SNX13: variants seen among roughly 807,000 people sequenced by gnomAD.
SNX13 encodes sorting nexin 13.
In SNX13, 45 loss-of-function variants were observed where a neutral mutation model predicts 133.6. The observed-to-expected ratio is 0.34, with a 90% CI of 0.27 to 0.43. The LOEUF (loss-of-function observed/expected upper bound fraction) is 0.43. Ranked by LOEUF, SNX13 falls within the 20% of genes least tolerant of loss-of-function variation. The pLI is 1.00. For missense variants in SNX13, 1,032 were observed against 1,145.1 expected (o/e 0.90, Z 1.43); for synonymous variants, 414 against 373.9 (o/e 1.11, Z -1.24).
At chr7:17,938,434 G>T (rs1318046008) in intron 1 of SNX13, among the ~76,000 whole-genome samples, 2 of 152,150 alleles carry the variant, frequency 1.3e-5, no homozygotes, top group African/African-American at 4.8e-5. Context: ...AACGACTACT[G>T]AAAACTATAG....
At chr7:17,830,889 C>T in intron 15 of SNX13, 6 of 984,338 alleles carry the variant, frequency 6.1e-6, no homozygotes, top group Non-Finnish European at 7.2e-6. Flanking sequence ...AGCAACACTA[C>T]TATTCCTACA....
At chr7:17,835,860 T>C (rs1032987308) in intron 13 of SNX13, among the ~76,000 whole-genome samples, 1 of 151,938 alleles carries the variant, frequency 6.6e-6, no homozygotes, top group Non-Finnish European at 1.5e-5. Flanking sequence ...GTGGTGGTTG[T>C]TGTTTTGAGG....
chr7:17,812,441 G>A (rs1786159291), intron 20 of SNX13, among the ~76,000 whole-genome samples: 2 of 152,052 alleles, frequency 1.3e-5, no homozygotes, highest in Non-Finnish European at 2.9e-5. Flanking sequence ...CAAACCACAA[G>A]GAGATACCAT....
In SNX13 at chr7:17,792,925, T is replaced by C. The variant is rs1389302951; in HGVS notation, c.*1120A>G. On this transcript the variant is annotated 3_prime_UTR_variant, in exon 26 of 26. Transcript: ENST00000428135. ...TGAGGGGTCTTGCCTACTAGCTTTA[T>C]TTTGTAGAACTTTACATTATGTGAA... 6.6e-6 allele frequency: 1 copy of C among 152,312 alleles called. No homozygotes were observed. Among genetic ancestry groups the C allele is most frequent in the Non-Finnish European group, 1.5e-5 (1 of 67,842 alleles). 9.4% of individuals were successfully genotyped at this position (152,312 alleles called of 1,614,324 possible). A position where few individuals can be genotyped will look rare whatever the true frequency, so the allele number is the denominator to read the frequency against.
At chr7:17,933,077 C>T (rs574791071) in intron 1 of SNX13, among the ~76,000 whole-genome samples, 4 of 152,208 alleles carry the variant, frequency 2.6e-5, no homozygotes, top group African/African-American at 9.6e-5. Flanking sequence ...ATCTCCAGCA[C>T]GAGTTATAAC....
At chr7:17,861,332 TACAGTTATCTCACACACA>T (rs1792653016) in intron 9 of SNX13, among the ~76,000 whole-genome samples, 1 of 130,246 alleles carries the variant, frequency 7.7e-6, no homozygotes, top group African/African-American at 3.0e-5. Flanking sequence ...TTATCACACA[TACAGTTATCTCACACACA>T]CACACACACA....
chr7:17,899,137 A>T (rs1797539334), intron 1 of SNX13: 1 of 151,786 alleles, frequency 6.6e-6, no homozygotes, highest in Non-Finnish European at 1.5e-5. Flanking sequence ...ATGGCATGCC[A>T]CTCTCTCCTG....
At chr7:17,826,978 A>G (rs1451046743) in intron 16 of SNX13, among the ~76,000 whole-genome samples, 3 of 152,120 alleles carry the variant, frequency 2.0e-5, no homozygotes, top group African/African-American at 7.2e-5. Context: ...TCTCTAATCA[A>G]TAAGAGTGGT....
rs529052450 is a variant in SNX13 at position 17,886,339 on chromosome 7, G to A, written c.440+4024C>T. On this transcript the variant is annotated intron_variant, in intron 5 of 25. Transcript: ENST00000428135. Reference sequence around the variant, plus strand: ...AATCCCAGCACTTTGGGAGGCTGAGGGGGGCGGATCACAAGGTCAGGAGTT... The same window carrying A: ...AATCCCAGCACTTTGGGAGGCTGAGAGGGGCGGATCACAAGGTCAGGAGTT... Among the ~76,000 whole-genome samples, 13 of 152,190 alleles carry A rather than the reference G, an allele frequency of 8.5e-5. No homozygotes were observed. In the East Asian group the frequency reaches 1.4e-3, roughly 16 times the overall value.
rs138936436 is a variant in SNX13 at position 17,845,189 on chromosome 7, A to G, written c.1165+406T>C. Among the ~76,000 whole-genome samples, 200 of 152,152 alleles carry G rather than the reference A, an allele frequency of 1.3e-3. 1 individual carries two copies. Among genetic ancestry groups the G allele is most frequent in the African/African-American group, 4.5e-3 (188 of 41,550 alleles). Reference sequence around the variant, plus strand: ...ACACACACACACACGAATATTATTCAGCATTAAAAAGGAAGGAAATTCTCA... The same window carrying G: ...ACACACACACACACGAATATTATTCGGCATTAAAAAGGAAGGAAATTCTCA... On this transcript the variant is annotated intron_variant, in intron 12 of 25. Transcript: ENST00000428135.
chr7:17,921,753 C>T (rs1001042268), intron 1 of SNX13, among the ~76,000 whole-genome samples: 2 of 152,214 alleles, frequency 1.3e-5, no homozygotes, highest in Middle Eastern at 3.2e-3. Context: ...ATCAGAATTT[C>T]CAATGTTCAG....
chr7:17,804,781 C>G (rs566058386), intron 20 of SNX13, among the ~76,000 whole-genome samples: 50 of 150,652 alleles, frequency 3.3e-4, no homozygotes, highest in South Asian at 8.4e-4. Context: ...CCAGTGAAAA[C>G]AAATTATGTT....
At chr7:17,855,851 C>A (rs770603673) in intron 9 of SNX13, among the ~76,000 whole-genome samples, 2 of 152,224 alleles carry the variant, frequency 1.3e-5, no homozygotes, top group Non-Finnish European at 2.9e-5. Context: ...TTAGGAAATG[C>A]ATTTTTTGTA....
At position 17,900,021 on chromosome 7, in the gene SNX13, C is replaced by T. The variant is rs1317393694; in HGVS notation, c.13-2575G>A. ...TTTCTAGTAACTGTAGCCATATATA[C>T]ATTAGAGGCACCCTAAGCCTACTAA... On this transcript the variant is annotated intron_variant, in intron 1 of 25. Transcript: ENST00000428135. 3.9e-5 allele frequency: 6 copies of T among 152,194 alleles called. No homozygotes were observed. In the East Asian group the frequency reaches 7.7e-4, roughly 20 times the overall value. 9.4% of individuals were successfully genotyped at this position (152,194 alleles called of 1,614,324 possible).
In SNX13 at chr7:17,850,401, T is replaced by C; in HGVS notation, c.1011A>G (p.Leu337=). 1 of 1,591,514 alleles carries C rather than the reference T, an allele frequency of 6.3e-7. No homozygotes were observed. Among genetic ancestry groups the C allele is most frequent in the Non-Finnish European group, 8.6e-7 (1 of 1,169,552 alleles). Residue 337 remains leucine, a synonymous_variant, in exon 11 of 26, where the codon TTA becomes TTG. Transcript: ENST00000428135. ...AGTCACATACCTTCTTTACGAATAG[T>C]AAGCTATTTATTTGATTTTTGATAG... ...INTIKNQINS[L]LFVKKVCDSR...
intron 20 of SNX13, among the ~76,000 whole-genome samples, 156 bp downstream of exon 20, chr7:17,814,678 A>G (rs1365458333): frequency 6.6e-6 from 1 of 152,162 alleles, no homozygotes; most frequent in Non-Finnish European, 1.5e-5. Flanking sequence ...GTTTATATGT[A>G]GATATTCCTA....
intron 15 of SNX13, among the ~76,000 whole-genome samples, chr7:17,833,141 T>C (rs945184328): frequency 1.3e-5 from 2 of 151,546 alleles, no homozygotes; most frequent in African/African-American, 4.8e-5. Flanking sequence ...AGAAAGATCA[T>C]CCAACCCTAG....
chr7:17,835,182 T>C (rs1788995307), intron 13 of SNX13, among the ~76,000 whole-genome samples: 3 of 151,918 alleles, frequency 2.0e-5, no homozygotes, highest in Non-Finnish European at 4.4e-5. Flanking sequence ...TATTTAGGAT[T>C]ATTGTAAGGA....
At chr7:17,859,650 T>C (rs1792382038) in intron 9 of SNX13, among the ~76,000 whole-genome samples, 1 of 152,122 alleles carries the variant, frequency 6.6e-6, no homozygotes, top group South Asian at 2.1e-4. Context: ...AAACTGAAAC[T>C]CTAGATCCAC....
Sources: allele counts gnomAD v4.1 joint callset (sites outside exome capture counted in the v4.1 genomes callset), GRCh38; gene constraint gnomAD v4.1.1; transcripts MANE v1.5; gene names NCBI Gene and HGNC (gene_info 2026-07-23, HGNC 2026-07-21).